Variants in LSM12 observed in about 807,000 individuals in gnomAD.
LSM12 encodes the protein protein LSM12.
For missense variants in LSM12, 108 were observed against 238.9 expected, an observed-to-expected ratio of 0.45 and a Z score of 3.61; for synonymous variants, 74 against 87.3, an observed-to-expected ratio of 0.85 and a Z score of 0.85.
At chr17:44,063,136 T>C (rs1296679076) in intron 2 of LSM12, among the ~76,000 whole-genome samples, 2 of 152,024 alleles carry the variant, frequency 1.3e-5, no homozygotes, top group African/African-American at 2.4e-5. Context: ...GACGCATGCA[T>C]GTAATCCCAG....
chr17:44,063,954 T>C lies in LSM12; in HGVS notation c.125-20A>G, dbSNP rs1408613319. On this transcript the variant is annotated intron_variant, in intron 1 of 4. Transcript: ENST00000293406. ...GACATTCTGGTGAGAAAAAAAAAAG[T>C]TAAGGAAAAATAGGACAAGCAGAGG... 6.2e-7 allele frequency: 1 copy of C among 1,606,628 alleles called. No homozygotes were observed. Among genetic ancestry groups the C allele is most frequent in the East Asian group, 2.2e-5 (1 of 44,802 alleles).
intron 2 of LSM12, among the ~76,000 whole-genome samples, chr17:44,051,542 G>C (rs907669005): frequency 4.6e-5 from 7 of 151,978 alleles, no homozygotes; most frequent in Non-Finnish European, 8.8e-5. Flanking sequence ...GACAAAGTAA[G>C]ACCCTATCTC....
chr17:44,060,357 A>C (rs1384188603), intron 2 of LSM12, among the ~76,000 whole-genome samples: 1 of 152,156 alleles, frequency 6.6e-6, no homozygotes, highest in Non-Finnish European at 1.5e-5. Flanking sequence ...TTTTCACGTC[A>C]TTCATGCAAC....
At chr17:44,036,544 TATAAAATATA>T (rs2049417621) in intron 4 of LSM12, among the ~76,000 whole-genome samples, 1 of 152,146 alleles carries the variant, frequency 6.6e-6, no homozygotes, top group South Asian at 2.1e-4. Context: ...CAAACTAAAC[TATAAAATATA>T]ATAAGGGGAG....
chr17:44,066,256 A>AAG (rs533034717), intron 1 of LSM12, among the ~76,000 whole-genome samples: 7 of 151,870 alleles, frequency 4.6e-5, no homozygotes, highest in African/African-American at 1.2e-4. Flanking sequence ...AGCTCCCGCA[A>AAG]AGAGAGAGAG....
chr17:44,047,363 CA>C (rs1168251919), intron 2 of LSM12, among the ~76,000 whole-genome samples: 2 of 152,084 alleles, frequency 1.3e-5, no homozygotes, highest in Non-Finnish European at 2.9e-5. Flanking sequence ...TCTCCTGCCT[CA>C]GCCTCCAGAG....
At chr17:44,061,987 C>T (rs749962847) in intron 2 of LSM12, among the ~76,000 whole-genome samples, 39 of 151,978 alleles carry the variant, frequency 2.6e-4, no homozygotes, top group South Asian at 4.2e-4. Context: ...TTTGGGAGGC[C>T]GAGGCGGGCG....
intron 2 of LSM12, among the ~76,000 whole-genome samples, chr17:44,056,129 C>T (rs944393662): frequency 4.0e-5 from 6 of 151,350 alleles, no homozygotes; most frequent in East Asian, 1.9e-4. Flanking sequence ...AAAAATTAGC[C>T]GGGCATGCTG....
intron 2 of LSM12, among the ~76,000 whole-genome samples, chr17:44,041,281 AAAAAAACAAACACAC>A (rs1481718353): frequency 7.6e-6 from 1 of 131,306 alleles, no homozygotes; most frequent in East Asian, 2.3e-4. Context: ...TTTAAAAAAA[AAAAAAACAAACACAC>A]ACACACACAC....
In LSM12 at chr17:44,066,639, C is replaced by G. The variant is rs1350426681; in HGVS notation, c.-52G>C. On this transcript the variant is annotated 5_prime_UTR_variant, in exon 1 of 5. Coordinates refer to ENST00000293406, the MANE Select transcript of LSM12 (RefSeq NM_001371445.1). ...CGGCGGCGGCAGCAGCGGGCGAAAG[C>G]CGGGCCCCCAGTGAGCGCCGCGACG... The G allele has an allele frequency of 3.1e-6, 4 of 1,297,976 alleles. No homozygotes were observed. Among genetic ancestry groups the G allele is most frequent in the Non-Finnish European group, 3.9e-6 (4 of 1,019,984 alleles). The allele number at this position is 1,297,976 out of a possible 1,614,324, so 80.4% of individuals were successfully genotyped here. A position where few individuals can be genotyped will look rare whatever the true frequency, so the allele number is the denominator to read the frequency against.
At chr17:44,041,549 C>T (rs1470000779) in intron 2 of LSM12, among the ~76,000 whole-genome samples, 1 of 152,194 alleles carries the variant, frequency 6.6e-6, no homozygotes, top group Non-Finnish European at 1.5e-5. Context: ...TTAACTTTAG[C>T]TAAAGGCAAC....
At chr17:44,066,265 A>G (rs1323967238) in intron 1 of LSM12, among the ~76,000 whole-genome samples, 199 bp downstream of exon 1, 2 of 151,948 alleles carry the variant, frequency 1.3e-5, no homozygotes, top group East Asian at 3.9e-4. Flanking sequence ...AAAGAGAGAG[A>G]GACAGGATCC....
chr17:44,040,672 T>C (rs2049475922), intron 2 of LSM12, among the ~76,000 whole-genome samples: 5 of 151,836 alleles, frequency 3.3e-5, no homozygotes, highest in Admixed American at 3.3e-4. Flanking sequence ...TGGTCAGAGA[T>C]TTAAAAATAT....
At chr17:44,038,264 G>A (rs1393132861) in intron 3 of LSM12, among the ~76,000 whole-genome samples, 1 of 150,048 alleles carries the variant, frequency 6.7e-6, no homozygotes, top group Non-Finnish European at 1.5e-5. Flanking sequence ...TGAGGTGGGA[G>A]AATCACCAGA....
intron 1 of LSM12, among the ~76,000 whole-genome samples, chr17:44,065,644 T>G (rs1034201674): frequency 2.6e-5 from 4 of 152,132 alleles, no homozygotes; most frequent in African/African-American, 9.6e-5. Context: ...TCCAATCAGT[T>G]TAACATTGCT....
intron 2 of LSM12, among the ~76,000 whole-genome samples, chr17:44,055,055 T>C (rs1042500558): frequency 3.3e-5 from 5 of 151,772 alleles, no homozygotes; most frequent in Non-Finnish European, 7.4e-5. Flanking sequence ...TTTCACCATA[T>C]TGGCCAGACT....
intron 3 of LSM12, among the ~76,000 whole-genome samples, chr17:44,039,288 C>T (rs2144068018): frequency 6.6e-6 from 1 of 151,110 alleles, no homozygotes; most frequent in East Asian, 1.9e-4. Context: ...CTCCCGACCT[C>T]AGGTGAACCG....
intron 2 of LSM12, among the ~76,000 whole-genome samples, chr17:44,057,632 TG>T (rs573679133): frequency 1.3e-3 from 198 of 151,440 alleles, no homozygotes; most frequent in Middle Eastern, 3.4e-3. Flanking sequence ...TGGTGGCAGA[TG>T]CCTGGAATCC....
At chr17:44,058,181 G>A (rs1319023225) in intron 2 of LSM12, among the ~76,000 whole-genome samples, 5 of 151,714 alleles carry the variant, frequency 3.3e-5, no homozygotes, top group African/African-American at 1.2e-4. Flanking sequence ...AGCTTGCAGT[G>A]AGCCGAGATC....
Sources: allele counts gnomAD v4.1 joint callset (sites outside exome capture counted in the v4.1 genomes callset), GRCh38; gene constraint gnomAD v4.1.1; transcripts MANE v1.5; gene names NCBI Gene and HGNC (gene_info 2026-07-23, HGNC 2026-07-21).